The following WWOX variants were observed in gnomAD, a reference collection of about 807,000 sequenced individuals.
WWOX encodes the protein WW domain containing oxidoreductase.
Under a neutral mutation model 46.2 loss-of-function variants are expected in WWOX, and 69 were observed. The ratio of observed to expected loss-of-function variants is 1.49; its 90% CI spans 1.23 to 1.82. The LOEUF (loss-of-function observed/expected upper bound fraction) is 1.82, where lower values mean the gene tolerates loss of function less well. WWOX is among the 40% of genes most tolerant of loss of function. WWOX has a pLI of 0.00. For synonymous variants in WWOX, 359 were observed against 202.6 expected (o/e 1.77, Z -6.56); for missense variants, 919 against 542.6 (o/e 1.69, Z -6.89).
chr16:78,182,784 C>T (rs953666027), intron 5 of WWOX, among the ~76,000 whole-genome samples: 2 of 151,808 alleles, frequency 1.3e-5, no homozygotes, highest in African/African-American at 4.8e-5. Context: ...AAGCCCGTCT[C>T]TACTAAAAAT....
At chr16:79,050,483 C>T (rs1042040056) in intron 8 of WWOX, among the ~76,000 whole-genome samples, 3 of 152,222 alleles carry the variant, frequency 2.0e-5, no homozygotes, top group South Asian at 2.1e-4. Context: ...ATACCCATTC[C>T]TCTGTCACAC....
At chr16:78,402,812 A>G (rs573864747) in intron 6 of WWOX, among the ~76,000 whole-genome samples, 2 of 152,322 alleles carry the variant, frequency 1.3e-5, no homozygotes, top group South Asian at 2.1e-4. Flanking sequence ...ATTCTAACCA[A>G]TCAGTGCTGG....
intron 8 of WWOX, among the ~76,000 whole-genome samples, chr16:78,572,926 A>G (rs2044754730): frequency 6.6e-6 from 1 of 152,156 alleles, no homozygotes; most frequent in African/African-American, 2.4e-5. Context: ...CACATTGCTT[A>G]TGTGAAGTCT....
At position 78,722,455 on chromosome 16, in the gene WWOX, C is replaced by A. The variant is rs573592115; in HGVS notation, c.1056+289703C>A. Among the ~76,000 whole-genome samples, 76 of 152,248 alleles carry A rather than the reference C, an allele frequency of 5.0e-4. 1 individual carries two copies. The South Asian group carries it at 0.016, about 32-fold the overall frequency. On this transcript the variant is annotated intron_variant, in intron 8 of 8. Transcript: ENST00000566780. ...TGAGCAGCAGTTGTCAAGTACTTGG[C>A]ATAGTTCCTGTCACATAGGAAGCAT... is the stretch of plus-strand genomic sequence containing the variant.
At chr16:78,966,902 G>A (rs1001061936) in intron 8 of WWOX, among the ~76,000 whole-genome samples, 2 of 152,170 alleles carry the variant, frequency 1.3e-5, no homozygotes, top group Non-Finnish European at 1.5e-5. Context: ...GAGATTGAAT[G>A]AGTTTGTAGA....
chr16:78,637,237 C>G (rs1217001631), intron 8 of WWOX, among the ~76,000 whole-genome samples: 1 of 152,056 alleles, frequency 6.6e-6, no homozygotes, highest in Non-Finnish European at 1.5e-5. Flanking sequence ...GCCTGGGCAA[C>G]ATGGTGAACT....
At chr16:78,797,544 A>T (rs902242662) in intron 8 of WWOX, among the ~76,000 whole-genome samples, 1 of 151,920 alleles carries the variant, frequency 6.6e-6, no homozygotes, top group Non-Finnish European at 1.5e-5. Context: ...CACTGTTCCA[A>T]CTCCAGTCTG....
chr16:78,438,832 A>G lies in WWOX; in HGVS notation c.1056+6080A>G, dbSNP rs117657897. 5.7e-3 allele frequency among the ~76,000 whole-genome samples: 865 copies of G among 152,270 alleles called. 38 individuals are homozygous for G. In the East Asian group the frequency reaches 0.11, roughly 20 times the overall value. On this transcript the variant is annotated intron_variant, in intron 8 of 8. Coordinates refer to ENST00000566780, the MANE Select transcript of WWOX (RefSeq NM_016373.4). ...TACCCTGCTAATGGATGGGCCGGCA[A>G]TGCTGGTCCTGTTGCAAAGTTATAA...
intron 8 of WWOX, among the ~76,000 whole-genome samples, chr16:78,999,612 T>C (rs918946134): frequency 2.6e-5 from 4 of 152,312 alleles, no homozygotes; most frequent in African/African-American, 9.6e-5. Flanking sequence ...ATTTTAGGAA[T>C]ACTTTAATTA....
At chr16:78,843,819 T>C (rs2052225813) in intron 8 of WWOX, among the ~76,000 whole-genome samples, 1 of 152,214 alleles carries the variant, frequency 6.6e-6, no homozygotes, top group East Asian at 1.9e-4. Context: ...TTTACTAACC[T>C]TCAGCACAAT....
intron 8 of WWOX, among the ~76,000 whole-genome samples, chr16:78,567,522 C>T (rs953209097): frequency 7.7e-6 from 1 of 130,374 alleles, no homozygotes; most frequent in Admixed American, 9.0e-5. Context: ...CACTGCACTC[C>T]AGCCTGGGCG....
chr16:78,974,189 G>A (rs1391999275), intron 8 of WWOX, among the ~76,000 whole-genome samples: 1 of 152,182 alleles, frequency 6.6e-6, no homozygotes, highest in Non-Finnish European at 1.5e-5. Flanking sequence ...ACTTTTGGAG[G>A]GAAAAGAAGG....
chr16:78,331,256 C>T (rs2080750457), intron 5 of WWOX, among the ~76,000 whole-genome samples: 1 of 152,156 alleles, frequency 6.6e-6, no homozygotes, highest in African/African-American at 2.4e-5. Context: ...GCATTTGTTA[C>T]TAAATAAAAT....
intron 6 of WWOX, among the ~76,000 whole-genome samples, chr16:78,422,660 C>CAGGTATATATATATATATAT (rs2082959543): frequency 1.5e-4 from 1 of 6,524 alleles, no homozygotes; most frequent in Non-Finnish European, 5.8e-4. Flanking sequence ...GTTTTTTTTA[C>CAGGTATATATATATATATAT]ATGTATATAT....
chr16:79,095,832 C>T (rs1422436833), intron 8 of WWOX, among the ~76,000 whole-genome samples: 6 of 150,850 alleles, frequency 4.0e-5, no homozygotes, highest in African/African-American at 1.5e-4. Context: ...CGCCTCCCGC[C>T]TGGATCACTG....
At chr16:78,968,580 C>T (rs1442119624) in intron 8 of WWOX, among the ~76,000 whole-genome samples, 2 of 152,166 alleles carry the variant, frequency 1.3e-5, no homozygotes, top group Non-Finnish European at 2.9e-5. Context: ...GACCTCAGAG[C>T]AATGGGGCAG....
chr16:78,520,340 G>C (rs574170910), intron 8 of WWOX, among the ~76,000 whole-genome samples: 1 of 152,320 alleles, frequency 6.6e-6, no homozygotes, highest in East Asian at 1.9e-4. Context: ...ACGCACATTA[G>C]AAGGAGTAAT....
intron 8 of WWOX, among the ~76,000 whole-genome samples, chr16:79,113,428 A>C (rs936525210): frequency 2.6e-5 from 4 of 152,378 alleles, no homozygotes; most frequent in African/African-American, 9.6e-5. Context: ...CTCTCAGGAC[A>C]TTCACATCCA....
chr16:78,734,280 G>T (rs1261832343), intron 8 of WWOX, among the ~76,000 whole-genome samples: 1 of 152,008 alleles, frequency 6.6e-6, no homozygotes, highest in African/African-American at 2.4e-5. Context: ...ACCTGAAAAG[G>T]GAGTATTTTT....
Sources: gnomAD v4.1 joint callset for allele counts (sites outside exome capture counted in the v4.1 genomes callset) on GRCh38, gnomAD v4.1.1 for gene constraint, MANE v1.5 for transcripts, NCBI Gene and HGNC (gene_info 2026-07-23, HGNC 2026-07-21) for gene names.